The following AK7 variants were observed in gnomAD, a reference collection of about 807,000 sequenced individuals.
The protein encoded by AK7 is ATP-AMP transphosphorylase 7.
A neutral mutation model predicts 96.6 loss-of-function variants in AK7; 78 were observed. The ratio of observed to expected loss-of-function variants is 0.81; its 90% CI spans 0.67 to 0.97. AK7 has a LOEUF of 0.97. Among genes scored for constraint, AK7 ranks in the 50% least tolerant of loss-of-function variants. The probability of loss-of-function intolerance (pLI) is 0.00; values close to 1 mark genes in which losing one functional copy is unlikely to be tolerated. For synonymous variants in AK7, 302 were observed against 317.2 expected (o/e 0.95, Z 0.51); for missense variants, 855 against 887.9 (o/e 0.96, Z 0.47).
rs761781139 is a variant in AK7 at position 96,398,176 on chromosome 14, C to A, written c.207C>A (p.Thr69=). 1.2e-6 allele frequency: 2 copies of A among 1,614,150 alleles called. No individual in the cohort carries two copies. The highest frequency in any genetic ancestry group is 1.7e-6 in the Non-Finnish European group (2 of 1,180,018). The part of the protein sequence containing the change: ...NKSAMLEASS[T]KVKEGTFQIV... ...CAGCTATGCTGGAAGCTTCCTCAACCAAAGTGAAGGAAGGCACATTCCAGA... is the reference window on the plus strand; with the variant it reads ...CAGCTATGCTGGAAGCTTCCTCAACAAAAGTGAAGGAAGGCACATTCCAGA... Residue 69 remains threonine, a synonymous_variant, in exon 2 of 18, where the codon ACC becomes ACA. Transcript: ENST00000267584.
At chr14:96,442,009 A>G (rs573753845) in intron 6 of AK7, among the ~76,000 whole-genome samples, 46 of 152,286 alleles carry the variant, frequency 3.0e-4, no homozygotes, top group Non-Finnish European at 4.6e-4. Context: ...ATACTTTCTG[A>G]AAGTCCAAAA....
rs1410384806 is a variant in AK7, at chr14:96,419,986, A to G, written c.499-836A>G. Among the ~76,000 whole-genome samples the G allele has an allele frequency of 6.6e-5, 10 of 150,882 alleles. No individual in the cohort carries two copies. The South Asian group carries it at 1.3e-3, about 19-fold the overall frequency. On this transcript the variant is annotated intron_variant, in intron 4 of 17. Coordinates refer to ENST00000267584, the MANE Select transcript of AK7 (RefSeq NM_152327.5). The stretch of plus-strand genomic sequence containing the variant: ...GTATTTTTAGCAGAGACGGGGTTTC[A>G]TCATGTTAGCCAGGCTGGTCTCGTG...
chr14:96,443,674 G>A (rs1048282651), intron 7 of AK7, among the ~76,000 whole-genome samples: 8 of 151,606 alleles, frequency 5.3e-5, no homozygotes, highest in Admixed American at 2.0e-4. Context: ...CCAATCTTTC[G>A]GCTTCCCTGG....
chr14:96,466,299 T>A lies in AK7; in HGVS notation c.1358-5179T>A, dbSNP rs191336403. On this transcript the variant is annotated intron_variant, in intron 12 of 17. Transcript: ENST00000267584. ...TCACCCAGGCTGGAGTGCAGTGGCA[T>A]GATCTCGGCTCACTGCAAGCTCCAC... Among the ~76,000 whole-genome samples, 736 of 152,120 alleles carry A rather than the reference T, an allele frequency of 4.8e-3. 4 individuals are homozygous for A. Among genetic ancestry groups the A allele is most frequent in the Middle Eastern group, 0.01 (3 of 294 alleles).
intron 2 of AK7, among the ~76,000 whole-genome samples, chr14:96,402,745 C>T (rs1297427987): frequency 6.6e-6 from 1 of 151,768 alleles, no homozygotes; most frequent in Non-Finnish European, 1.5e-5. Flanking sequence ...TTCTCCCCCA[C>T]CCCCAAGAGA....
At chr14:96,401,979 G>A (rs2139989427) in intron 2 of AK7, among the ~76,000 whole-genome samples, 1 of 152,292 alleles carries the variant, frequency 6.6e-6, no homozygotes, top group African/African-American at 2.4e-5. Flanking sequence ...CTGGCTAAGG[G>A]CGTGAGTAGG....
intron 5 of AK7, 93 bp downstream of exon 5, chr14:96,421,025 C>T (rs1227872039): frequency 1.2e-6 from 1 of 854,138 alleles, no homozygotes; most frequent in Non-Finnish European, 1.9e-6. Context: ...GATGTCTGAG[C>T]TTTAGGCTCA....
At chr14:96,475,523 C>G (rs1895126193) in intron 14 of AK7, among the ~76,000 whole-genome samples, 2 of 152,088 alleles carry the variant, frequency 1.3e-5, no homozygotes, top group African/African-American at 4.8e-5. Flanking sequence ...TGATTTAGGG[C>G]AAGGGAAATA....
intron 4 of AK7, among the ~76,000 whole-genome samples, chr14:96,419,043 T>C (rs1891519022): frequency 1.3e-5 from 2 of 152,234 alleles, no homozygotes; most frequent in Admixed American, 1.3e-4. Context: ...TCTCAATTAT[T>C]TCTTCTGATT....
chr14:96,486,818 A>G (rs1397432240), intron 16 of AK7, 80 bp from the exon 17 acceptor site: 2 of 1,328,910 alleles, frequency 1.5e-6, no homozygotes, highest in East Asian at 2.3e-5. Context: ...CAGTGTCTCA[A>G]TGCACTGTAG....
At chr14:96,409,718 G>A (rs534482878) in intron 4 of AK7, among the ~76,000 whole-genome samples, 2 of 152,256 alleles carry the variant, frequency 1.3e-5, no homozygotes, top group East Asian at 1.9e-4. Flanking sequence ...CCTGAAGTAC[G>A]TGGTTATTAC....
At chr14:96,447,633 T>C (rs1207806247) in intron 8 of AK7, among the ~76,000 whole-genome samples, 1 of 151,956 alleles carries the variant, frequency 6.6e-6, no homozygotes, top group African/African-American at 2.4e-5. Flanking sequence ...AGTTTGTTTT[T>C]AATGTTTTAG....
intron 3 of AK7, among the ~76,000 whole-genome samples, chr14:96,408,291 G>T (rs1890839862): frequency 6.6e-6 from 1 of 152,224 alleles, no homozygotes; most frequent in South Asian, 2.1e-4. Context: ...AGGTGGCATG[G>T]TGGGTACAGC....
At chr14:96,477,129 C>T (rs1271275012) in intron 14 of AK7, among the ~76,000 whole-genome samples, 1 of 152,178 alleles carries the variant, frequency 6.6e-6, no homozygotes, top group Admixed American at 6.5e-5. Context: ...AAAATAGGAA[C>T]AACTTACTTG....
At chr14:96,443,009 A>G (rs904041380) in intron 7 of AK7, among the ~76,000 whole-genome samples, 191 bp downstream of exon 7, 9 of 152,216 alleles carry the variant, frequency 5.9e-5, no homozygotes, top group Admixed American at 1.3e-4. Context: ...CCCACTGTTC[A>G]AAAGTTCTAC....
chr14:96,435,497 G>A (rs557999287), intron 5 of AK7, among the ~76,000 whole-genome samples: 1 of 152,254 alleles, frequency 6.6e-6, no homozygotes, highest in South Asian at 2.1e-4. Context: ...GCAGCTTGGG[G>A]TTAGAGGAGA....
chr14:96,487,979 C>T (rs747785396), intron 17 of AK7: 36 of 400,902 alleles, frequency 9.0e-5, no homozygotes, highest in Non-Finnish European at 1.7e-4. Flanking sequence ...ATGGCACAAT[C>T]TCGGCTTACT....
At chr14:96,397,370 T>G (rs1208004993) in intron 1 of AK7, among the ~76,000 whole-genome samples, 1 of 152,062 alleles carries the variant, frequency 6.6e-6, no homozygotes, top group Non-Finnish European at 1.5e-5. Context: ...TGTCTCAGCC[T>G]CCCGAGTAGC....
intron 9 of AK7, among the ~76,000 whole-genome samples, chr14:96,450,088 G>T (rs1296865224): frequency 6.6e-6 from 1 of 152,114 alleles, no homozygotes; most frequent in East Asian, 1.9e-4. Context: ...GTCTTCAGTT[G>T]TCTTTCCTGA....
Sources: allele counts gnomAD v4.1 joint callset (sites outside exome capture counted in the v4.1 genomes callset), GRCh38; gene constraint gnomAD v4.1.1; transcripts MANE v1.5; gene names NCBI Gene and HGNC (gene_info 2026-07-23, HGNC 2026-07-21).